The following QTMAN variants were observed in gnomAD, a reference collection of about 807,000 sequenced individuals.
QTMAN encodes tRNA-queuosine alpha-mannosyltransferase.
chr2:144,179,511 A>C, the QTMAN span, among the ~76,000 whole-genome samples: 1 of 152,298 alleles, frequency 6.6e-6, no homozygotes, highest in Admixed American at 6.5e-5. Context: ...TGATACAATT[A>C]AGCCCAATGT....
chr2:144,045,950 G>C, the QTMAN span, among the ~76,000 whole-genome samples: 1 of 152,182 alleles, frequency 6.6e-6, no homozygotes, highest in Non-Finnish European at 1.5e-5. Context: ...TATAGTTGCT[G>C]TTGATCTTAG....
chr2:144,015,108 T>G, the QTMAN span, among the ~76,000 whole-genome samples: 2 of 152,178 alleles, frequency 1.3e-5, no homozygotes, highest in Non-Finnish European at 2.9e-5. Context: ...GCAGAAAATT[T>G]AAGGTCCTTA....
At chr2:143,947,329 T>C in the QTMAN span, among the ~76,000 whole-genome samples, 5 of 152,188 alleles carry the variant, frequency 3.3e-5, no homozygotes, top group Non-Finnish European at 5.9e-5. Flanking sequence ...AAAGTGTCGT[T>C]GTATTTCCAA....
At chr2:143,995,322 T>G in the QTMAN span, among the ~76,000 whole-genome samples, 1 of 152,146 alleles carries the variant, frequency 6.6e-6, no homozygotes, top group African/African-American at 2.4e-5. Context: ...TTCTTTTCTT[T>G]TTTTCTAGGA....
the QTMAN span, among the ~76,000 whole-genome samples, chr2:144,210,036 T>C: frequency 7.0e-6 from 1 of 141,900 alleles, no homozygotes; most frequent in East Asian, 2.2e-4. Context: ...GATGGGGGAA[T>C]ATAAATCTAT....
At chr2:144,202,930 G>C in the QTMAN span, among the ~76,000 whole-genome samples, 1 of 152,170 alleles carries the variant, frequency 6.6e-6, no homozygotes, top group Non-Finnish European at 1.5e-5. Context: ...TGGTTTCACA[G>C]TGCATGCTAC....
the QTMAN span, among the ~76,000 whole-genome samples, chr2:144,325,687 T>C: frequency 7.2e-5 from 11 of 152,106 alleles, no homozygotes; most frequent in Non-Finnish European, 1.0e-4. Flanking sequence ...AACTGTCCAC[T>C]TAAAAATACC....
chr2:143,942,492 T>C, the QTMAN span: 45 of 167,440 alleles, frequency 2.7e-4, no homozygotes, highest in African/African-American at 7.5e-4. Flanking sequence ...GGCAGTGTGG[T>C]TGGGAGCTCT....
chr2:143,988,697 C>T, the QTMAN span, among the ~76,000 whole-genome samples: 42 of 152,266 alleles, frequency 2.8e-4, no homozygotes, highest in Admixed American at 1.1e-3. Flanking sequence ...TGGTAAAGGA[C>T]GGAACTGGGA....
chr2:144,269,942 G>A, the QTMAN span, among the ~76,000 whole-genome samples: 1 of 151,892 alleles, frequency 6.6e-6, no homozygotes, highest in Non-Finnish European at 1.5e-5. Flanking sequence ...TACTAAGAGA[G>A]CTTCACAAAT....
the QTMAN span, chr2:144,319,662 C>T: frequency 6.6e-6 from 1 of 152,076 alleles, no homozygotes; most frequent in Non-Finnish European, 1.5e-5. Flanking sequence ...ATATGCCACA[C>T]TTCTTTTTCA....
chr2:144,016,828 T>C, the QTMAN span, among the ~76,000 whole-genome samples: 1 of 152,270 alleles, frequency 6.6e-6, no homozygotes, highest in Admixed American at 6.5e-5. Flanking sequence ...GACAACACTA[T>C]GATGGGTCAA....
chr2:144,185,552 A>C, the QTMAN span, among the ~76,000 whole-genome samples: 42 of 152,328 alleles, frequency 2.8e-4, no homozygotes, highest in African/African-American at 8.9e-4. Flanking sequence ...TTTATCCTAA[A>C]TATAGGCAAA....
At chr2:144,234,360 A>G in the QTMAN span, among the ~76,000 whole-genome samples, 3 of 152,316 alleles carry the variant, frequency 2.0e-5, no homozygotes, top group Non-Finnish European at 4.4e-5. Context: ...AAAAGACACC[A>G]ATAAGCCATT....
chr2:144,101,432 G>A, the QTMAN span, among the ~76,000 whole-genome samples: 6 of 151,742 alleles, frequency 4.0e-5, no homozygotes, highest in Non-Finnish European at 7.4e-5. Context: ...ACTGTGAAAT[G>A]TATCTAATTG....
chr2:144,034,588 G>C, the QTMAN span, among the ~76,000 whole-genome samples: 3 of 151,532 alleles, frequency 2.0e-5, no homozygotes, highest in Admixed American at 6.6e-5. Context: ...TCCATCTCTA[G>C]TTTATTTTCT....
the QTMAN span, among the ~76,000 whole-genome samples, chr2:144,216,619 C>G: frequency 6.6e-6 from 1 of 152,044 alleles, no homozygotes; most frequent in African/African-American, 2.4e-5. Flanking sequence ...AATACTGATT[C>G]TTTTTTATTG....
chr2:144,256,543 C>G, the QTMAN span, among the ~76,000 whole-genome samples: 1 of 152,024 alleles, frequency 6.6e-6, no homozygotes, highest in Non-Finnish European at 1.5e-5. Context: ...AGTTCATGTC[C>G]TTTGCAGGGA....
the QTMAN span, among the ~76,000 whole-genome samples, chr2:144,275,241 A>C: frequency 1.3e-5 from 2 of 151,916 alleles, no homozygotes; most frequent in Non-Finnish European, 2.9e-5. Context: ...AAAATTAGCC[A>C]GGCGTGGTGG....
Sources: allele counts gnomAD v4.1 joint callset (sites outside exome capture counted in the v4.1 genomes callset), GRCh38; gene constraint gnomAD v4.1.1; transcripts MANE v1.5; gene names NCBI Gene and HGNC (gene_info 2026-07-23, HGNC 2026-07-21).